TAB1: variants seen among roughly 807,000 people sequenced by gnomAD.
The protein encoded by TAB1 is TGF-beta activated kinase 1 (MAP3K7) binding protein 1, also known as TGF-beta-activated kinase 1 and MAP3K7-binding protein 1.
A neutral mutation model predicts 54.5 loss-of-function variants in TAB1; 30 were observed. The ratio of observed to expected loss-of-function variants is 0.55; its 90% CI spans 0.41 to 0.75. The LOEUF (loss-of-function observed/expected upper bound fraction) is 0.75. Ranked by LOEUF, TAB1 falls within the 30% of genes least tolerant of loss-of-function variation. TAB1 has a pLI of 0.00. For synonymous variants in TAB1, 289 were observed against 286.9 expected, an observed-to-expected ratio of 1.01 and a Z score of -0.07; for missense variants, 609 against 683.2, an observed-to-expected ratio of 0.89 and a Z score of 1.21.
intron 8 of TAB1, 130 bp downstream of exon 8, chr22:39,422,101 G>A (rs1927117380): frequency 3.2e-6 from 3 of 924,578 alleles, no homozygotes; most frequent in Admixed American, 3.6e-5. Context: ...AAAGCTGGGG[G>A]AAGGAGAATC....
At chr22:39,429,032 C>T in intron 10 of TAB1, 1 of 984,814 alleles carries the variant, frequency 1.0e-6, no homozygotes, top group Non-Finnish European at 1.2e-6. Context: ...GAGGAGTCCT[C>T]CAGCTGTGTC....
At chr22:39,432,717 A>G (rs1273227258), downstream of TAB1, 1 of 984,922 alleles carries the variant, frequency 1.0e-6, no homozygotes, top group Non-Finnish European at 1.2e-6. Flanking sequence ...ACAAGTGGCC[A>G]CCATGCAACT....
At chr22:39,434,395 A>C (rs1337180628), downstream of TAB1, among the ~76,000 whole-genome samples, 1 of 152,260 alleles carries the variant, frequency 6.6e-6, no homozygotes. Flanking sequence ...TTCACAGCCG[A>C]AGTGCAGACA....
At position 39,415,399 on chromosome 22, in the gene TAB1, C is replaced by A; in HGVS notation, c.171-101C>A. ...GGACCCAGGAGGGCCCCTGAAGCTG[C>A]AGCTGCTGTCGCTTTAGTCTCCCCC... On this transcript the variant is annotated intron_variant, in intron 2 of 10. Transcript: ENST00000216160. The surrounding 1 kb of genome is among the most constrained non-coding windows in gnomAD (Gnocchi z 4.9). 1 of 1,418,908 alleles carries A rather than the reference C, an allele frequency of 7.0e-7. No homozygotes were observed. The highest frequency in any genetic ancestry group is 2.3e-5 in the East Asian group (1 of 43,036). The allele number at this position is 1,418,908 out of a possible 1,614,324, so 87.9% of individuals were successfully genotyped here. A position where few individuals can be genotyped will look rare whatever the true frequency, so the allele number is the denominator to read the frequency against.
At position 39,430,608 on chromosome 22, in the gene TAB1, C is replaced by A; in HGVS notation, c.*386C>A. On this transcript the variant is annotated 3_prime_UTR_variant, in exon 11 of 11. Coordinates refer to ENST00000216160, the MANE Select transcript of TAB1 (RefSeq NM_006116.3). ...TTGCAGGCCCAGCAGACCCTGCTGTCCCAAGCCCACCCCTCCTCCCACCAT... is the reference window on the plus strand; with the variant it reads ...TTGCAGGCCCAGCAGACCCTGCTGTACCAAGCCCACCCCTCCTCCCACCAT... 1.8e-6 allele frequency: 2 copies of A among 1,112,926 alleles called. No homozygotes were observed. Among genetic ancestry groups the A allele is most frequent in the African/African-American group, 3.2e-5 (2 of 62,496 alleles). 68.9% of individuals were successfully genotyped at this position (1,112,926 alleles called of 1,614,324 possible).
chr22:39,418,115 G>A (rs918561983), intron 5 of TAB1, among the ~76,000 whole-genome samples: 3 of 152,172 alleles, frequency 2.0e-5, no homozygotes, highest in Non-Finnish European at 4.4e-5. Context: ...CATTCTGGGT[G>A]GCCTTGGGGG....
At chr22:39,413,442 A>G (rs527399791) in intron 1 of TAB1, among the ~76,000 whole-genome samples, 1 of 151,336 alleles carries the variant, frequency 6.6e-6, no homozygotes, top group Non-Finnish European at 1.5e-5. Context: ...TTGAGACAGA[A>G]TCTCACTCTT....
intron 1 of TAB1, among the ~76,000 whole-genome samples, chr22:39,401,152 A>G (rs1926127463): frequency 6.6e-6 from 1 of 151,904 alleles, no homozygotes; most frequent in South Asian, 2.1e-4. Context: ...CAATAAATAC[A>G]TTTGTGAAAG....
At chr22:39,400,429 AG>A (rs1926086864) in intron 1 of TAB1, among the ~76,000 whole-genome samples, 1 of 152,106 alleles carries the variant, frequency 6.6e-6, no homozygotes, top group East Asian at 1.9e-4. Context: ...AGGAATGACC[AG>A]TGGTAGCTGT....
chr22:39,400,820 G>C (rs946710744), intron 1 of TAB1, among the ~76,000 whole-genome samples: 15 of 152,006 alleles, frequency 9.9e-5, no homozygotes, highest in African/African-American at 3.6e-4. Flanking sequence ...TGGATCACGA[G>C]GTCAGGAGAT....
intron 5 of TAB1, among the ~76,000 whole-genome samples, chr22:39,418,407 CCTT>C (rs1926930549): frequency 6.6e-6 from 1 of 152,184 alleles, no homozygotes; most frequent in Non-Finnish European, 1.5e-5. Flanking sequence ...CTGTGGCCAG[CCTT>C]CTTTGTCCCC....
At chr22:39,422,199 C>A (rs1927122092) in intron 8 of TAB1, among the ~76,000 whole-genome samples, 1 of 152,100 alleles carries the variant, frequency 6.6e-6, no homozygotes, top group Non-Finnish European at 1.5e-5. Flanking sequence ...TGAGCAAGGT[C>A]TGAAGGGAAG....
chr22:39,428,111 C>T lies in TAB1; in HGVS notation c.1235C>T (p.Pro412Leu), dbSNP rs755585864. 5 of 1,613,798 alleles carry T rather than the reference C, an allele frequency of 3.1e-6. No individual in the cohort carries two copies. Among genetic ancestry groups the T allele is most frequent in the Non-Finnish European group, 3.4e-6 (4 of 1,179,728 alleles). Residue 412 changes from proline to leucine, a missense_variant, in exon 10 of 11, where the codon CCC becomes CTC. Pro to Leu is a moderately conservative substitution (Grantham distance 98). Transcript: ENST00000216160. ...AGCGTGACCCTCTCCCTTGTCATGC[C>T]CTCCCAGGGCCAGATGGTCAACGGG... ...KTSVTLSLVM[P>L]SQGQMVNGAH...
At chr22:39,418,906 G>T in intron 6 of TAB1, 61 bp downstream of exon 6, 1 of 1,386,844 alleles carries the variant, frequency 7.2e-7, no homozygotes, top group Non-Finnish European at 1.0e-6. Context: ...GCCTGCCTTT[G>T]GTGGTGGGGT....
At position 39,430,497 on chromosome 22, in the gene TAB1, A is replaced by G. The variant is rs1046848; in HGVS notation, c.*275A>G. On this transcript the variant is annotated 3_prime_UTR_variant, in exon 11 of 11. Transcript: ENST00000216160. ...TTTCTCAGAGCAGAGGGCCAGGTAT[A>G]GAAACCGCAGTGGGCCTGCAAGCCG... The G allele has an allele frequency of 1.4e-5, 19 of 1,338,896 alleles. No individual in the cohort carries two copies. The highest frequency in any genetic ancestry group is 2.9e-5 in the African/African-American group (2 of 67,876). The allele number at this position is 1,338,896 out of a possible 1,614,324, so 82.9% of individuals were successfully genotyped here. A position where few individuals can be genotyped will look rare whatever the true frequency, so the allele number is the denominator to read the frequency against.
intron 6 of TAB1, 29 bp downstream of exon 6, chr22:39,418,874 G>T (rs975050598): frequency 1.3e-6 from 2 of 1,556,898 alleles, no homozygotes; most frequent in Non-Finnish European, 1.8e-6. Flanking sequence ...AGCGGAAGCT[G>T]ATCCCCATGG....
rs756462934 is a variant in TAB1 at position 39,415,665 on chromosome 22, G to A, written c.324+12G>A. ...GTGTGCTGCTGCAGGTAATGGTGCC[G>A]GGGCCAACAGTGACCCAGCCACATC... On this transcript the variant is annotated intron_variant, in intron 3 of 10. Coordinates refer to ENST00000216160, the MANE Select transcript of TAB1 (RefSeq NM_006116.3). This position sits in a 1 kb window ranked among gnomAD's most constrained non-coding sequence, Gnocchi z 4.9. 114 of 1,601,470 alleles carry A rather than the reference G, an allele frequency of 7.1e-5. No individual in the cohort carries two copies. Among genetic ancestry groups the A allele is most frequent in the Middle Eastern group, 1.6e-4 (1 of 6,072 alleles).
chr22:39,428,843 G>T (rs1032337492), intron 10 of TAB1, among the ~76,000 whole-genome samples: 25 of 152,374 alleles, frequency 1.6e-4, no homozygotes, highest in Admixed American at 1.1e-3. Context: ...GCCCTGGAGG[G>T]GGGTGGGCGG....
At chr22:39,435,061 G>A (rs1000497907), downstream of TAB1, among the ~76,000 whole-genome samples, 1 of 152,042 alleles carries the variant, frequency 6.6e-6, no homozygotes, top group African/African-American at 2.4e-5. Flanking sequence ...TAGATGGACT[G>A]CCCAGAGCAG....
Sources: allele counts gnomAD v4.1 joint callset (sites outside exome capture counted in the v4.1 genomes callset), GRCh38; gene constraint gnomAD v4.1.1; non-coding constraint Gnocchi (gnomAD v3.1); transcripts MANE v1.5; gene names NCBI Gene and HGNC (gene_info 2026-07-23, HGNC 2026-07-21).